Variants in SOX5 observed in about 807,000 individuals in gnomAD.
The protein encoded by SOX5 is SRY-box transcription factor 5.
In SOX5, 9 loss-of-function variants were observed where a neutral mutation model predicts 92.0. That is an observed-to-expected ratio of 0.10 (90% CI 0.06 to 0.17). The LOEUF (loss-of-function observed/expected upper bound fraction) is 0.17, where lower values mean the gene tolerates loss of function less well. Among genes scored for constraint, SOX5 ranks in the 10% least tolerant of loss-of-function variants. SOX5 has a pLI of 1.00. For synonymous variants in SOX5, 344 were observed against 336.3 expected (o/e 1.02, Z -0.25); for missense variants, 642 against 944.5 (o/e 0.68, Z 4.20).
At chr12:24,307,462 G>GAAGA (rs1203568116) in intron 2 of SOX5, among the ~76,000 whole-genome samples, 4 of 13,404 alleles carry the variant, frequency 3.0e-4, no homozygotes, top group African/African-American at 4.9e-4. Flanking sequence ...AGGAAGGAAG[G>GAAGA]AAGGAAGGAA....
chr12:24,038,017 C>T (rs1211789693), intron 4 of SOX5, among the ~76,000 whole-genome samples: 1 of 152,116 alleles, frequency 6.6e-6, no homozygotes. Flanking sequence ...ACTCAGTTAC[C>T]TATTTCCCCA....
chr12:23,870,380 T>C (rs934490290), intron 2 of SOX5, among the ~76,000 whole-genome samples: 8 of 152,082 alleles, frequency 5.3e-5, no homozygotes, highest in African/African-American at 1.2e-4. Flanking sequence ...GAGTGAAGAT[T>C]ATACCTAATT....
intron 4 of SOX5, among the ~76,000 whole-genome samples, chr12:24,187,729 T>C (rs750994448): frequency 6.6e-6 from 1 of 152,150 alleles, no homozygotes; most frequent in Non-Finnish European, 1.5e-5. Context: ...TTTGAGGTTG[T>C]CTGCTGTTTG....
At chr12:24,072,692 G>A (rs927452850) in intron 4 of SOX5, among the ~76,000 whole-genome samples, 4 of 151,816 alleles carry the variant, frequency 2.6e-5, no homozygotes, top group Non-Finnish European at 4.4e-5. Flanking sequence ...AGACATTAAT[G>A]GAAAAAAACC....
intron 3 of SOX5, among the ~76,000 whole-genome samples, chr12:24,268,021 A>G (rs756602700): frequency 1.3e-4 from 20 of 152,222 alleles, no homozygotes; most frequent in Non-Finnish European, 2.5e-4. Flanking sequence ...CAAGTGGATC[A>G]GTATTGGCTA....
chr12:23,734,566 C>T lies in SOX5; in HGVS notation c.810+118G>A, dbSNP rs148138020. 4,795 of 735,064 alleles carry T rather than the reference C, an allele frequency of 6.5e-3. 34 individuals carry two copies. Among genetic ancestry groups the T allele is most frequent in the South Asian group, 0.019 (1,019 of 52,728 alleles). 45.5% of individuals were successfully genotyped at this position (735,064 alleles called of 1,614,324 possible). On this transcript the variant is annotated intron_variant, in intron 6 of 14. Coordinates refer to ENST00000451604, the MANE Select transcript of SOX5 (RefSeq NM_006940.6). Reference sequence around the variant, plus strand: ...TTCCATGGCAGAGGAGGTGCTATGTCATGAATTAGCTTGAAAGTCATTTTT... The same window carrying T: ...TTCCATGGCAGAGGAGGTGCTATGTTATGAATTAGCTTGAAAGTCATTTTT...
At chr12:23,634,051 C>T (rs1034530288) in intron 8 of SOX5, among the ~76,000 whole-genome samples, 8 of 151,962 alleles carry the variant, frequency 5.3e-5, no homozygotes, top group African/African-American at 1.7e-4. Context: ...AGTTCCCTGG[C>T]CATTAAATTA....
chr12:24,199,120 G>C (rs1957283948), intron 4 of SOX5, among the ~76,000 whole-genome samples: 1 of 152,174 alleles, frequency 6.6e-6, no homozygotes, highest in Non-Finnish European at 1.5e-5. Context: ...GAGGATTGTG[G>C]TAAGGATGCA....
intron 11 of SOX5, among the ~76,000 whole-genome samples, chr12:23,550,348 T>A (rs565538836): frequency 6.6e-6 from 1 of 152,040 alleles, no homozygotes; most frequent in South Asian, 2.1e-4. Flanking sequence ...TTTAGACAAA[T>A]ATGTTATCCT....
chr12:24,348,049 CAAA>C (rs1182462748), intron 2 of SOX5, among the ~76,000 whole-genome samples: 53 of 72,726 alleles, frequency 7.3e-4, no homozygotes, highest in African/African-American at 2.4e-3. Context: ...TACAGCTAAT[CAAA>C]AAAAAAAAAA....
intron 8 of SOX5, 28 bp from the exon 9 acceptor site, chr12:23,604,561 A>G: frequency 6.2e-7 from 1 of 1,604,980 alleles, no homozygotes; most frequent in Non-Finnish European, 8.5e-7. Context: ...AGAGAGGGAG[A>G]AAGAATACTG....
intron 1 of SOX5, among the ~76,000 whole-genome samples, chr12:23,934,366 G>C (rs950636961): frequency 1.3e-5 from 2 of 150,032 alleles, no homozygotes; most frequent in Non-Finnish European, 3.0e-5. Flanking sequence ...AAATATTCAT[G>C]TCAAAAATCA....
chr12:24,359,349 G>A (rs190557625), intron 2 of SOX5, among the ~76,000 whole-genome samples: 5 of 152,142 alleles, frequency 3.3e-5, no homozygotes, highest in Non-Finnish European at 7.3e-5. Flanking sequence ...TTGATGCTCC[G>A]GTCTTGCCGT....
chr12:24,155,846 G>A (rs546748204), intron 4 of SOX5, among the ~76,000 whole-genome samples: 294 of 152,290 alleles, frequency 1.9e-3, no homozygotes, highest in African/African-American at 6.8e-3. Flanking sequence ...CATCTGGACA[G>A]CGGCTCTAGA....
intron 2 of SOX5, among the ~76,000 whole-genome samples, chr12:24,295,152 G>A (rs1947060679): frequency 6.6e-6 from 1 of 152,030 alleles, no homozygotes; most frequent in Non-Finnish European, 1.5e-5. Context: ...AAGTATATAT[G>A]AGTAAATATA....
intron 3 of SOX5, among the ~76,000 whole-genome samples, chr12:24,240,173 G>T (rs185420643): frequency 1.3e-5 from 2 of 152,172 alleles, no homozygotes; most frequent in Non-Finnish European, 2.9e-5. Flanking sequence ...TCTTTAACTT[G>T]TAAGATATAG....
At position 24,121,212 on chromosome 12, in the gene SOX5, C is replaced by T. The variant is rs141089121; in HGVS notation, c.-2+92131G>A. ...TGGCTCCAGGTTACAGAAATATTTA[C>T]GATGACTACTGATAATAAATACAGA... On this transcript the variant is annotated intron_variant, in intron 4 of 4. Transcript: ENST00000446891. Among the ~76,000 whole-genome samples, 130 of 152,274 alleles carry T rather than the reference C, an allele frequency of 8.5e-4. 2 individuals are homozygous for T. The East Asian group carries it at 0.023, about 27-fold the overall frequency.
intron 1 of SOX5, among the ~76,000 whole-genome samples, chr12:24,416,918 T>C (rs575496777): frequency 2.1e-4 from 32 of 152,310 alleles, no homozygotes; most frequent in South Asian, 1.2e-3. Flanking sequence ...TGAGAAACCA[T>C]GCTGCTTGAC....
At chr12:23,917,037 TTA>T in intron 1 of SOX5, among the ~76,000 whole-genome samples, 1 of 152,204 alleles carries the variant, frequency 6.6e-6, no homozygotes, top group Non-Finnish European at 1.5e-5. Context: ...TTATGTGGTT[TTA>T]GAGGACAGAA....
Sources: allele counts gnomAD v4.1 joint callset (sites outside exome capture counted in the v4.1 genomes callset), GRCh38; gene constraint gnomAD v4.1.1; transcripts MANE v1.5; gene names NCBI Gene and HGNC (gene_info 2026-07-23, HGNC 2026-07-21).